The following SH3GL3 variants were observed in gnomAD, a reference collection of about 807,000 sequenced individuals.
The protein encoded by SH3GL3 is SH3 domain containing GRB2 like 3, endophilin A3, also known as endophilin-A3.
In SH3GL3, 33 loss-of-function variants were observed where a neutral mutation model predicts 47.7. That is an observed-to-expected ratio of 0.69 (90% CI 0.52 to 0.92). The LOEUF is 0.92. SH3GL3 is among the 40% of genes least tolerant of loss of function. The pLI is 0.00. For missense variants in SH3GL3, 363 were observed against 417.8 expected (o/e 0.87, Z 1.14); for synonymous variants, 155 against 148.8 (o/e 1.04, Z -0.30).
chr15:83,625,817 G>T, the SH3GL3 span, among the ~76,000 whole-genome samples: 18 of 151,548 alleles, frequency 1.2e-4, no homozygotes, highest in Admixed American at 5.9e-4. Context: ...ATTAATTTTT[G>T]TTGTTGTTGT....
chr15:83,510,732 C>G lies in SH3GL3; in HGVS notation c.46-48521C>G, dbSNP rs75236921. The stretch of plus-strand genomic sequence containing the variant: ...TGTGTCAATATACATGTAAAAGGGT[C>G]CATGAAGCAGCTATGTGGATCCTCA... On this transcript the variant is annotated intron_variant, in intron 1 of 8. Coordinates refer to ENST00000427482, the MANE Select transcript of SH3GL3 (RefSeq NM_003027.5). Among the ~76,000 whole-genome samples, 52 of 151,964 alleles carry G rather than the reference C, an allele frequency of 3.4e-4. No homozygotes were observed. The East Asian group carries it at 9.7e-3, about 28-fold the overall frequency.
intron 1 of SH3GL3, among the ~76,000 whole-genome samples, chr15:83,474,819 C>G (rs2041019413): frequency 6.6e-6 from 1 of 152,014 alleles, no homozygotes; most frequent in Non-Finnish European, 1.5e-5. Flanking sequence ...CTGGCATGAT[C>G]GGGGATAAGG....
At chr15:83,607,437 A>G (rs1442309123) in intron 8 of SH3GL3, among the ~76,000 whole-genome samples, 1 of 152,178 alleles carries the variant, frequency 6.6e-6, no homozygotes, top group Non-Finnish European at 1.5e-5. Flanking sequence ...TTTAGGAATG[A>G]GAGACATAGG....
chr15:83,600,598 T>C (rs556400821), intron 8 of SH3GL3, among the ~76,000 whole-genome samples: 53 of 152,348 alleles, frequency 3.5e-4, no homozygotes, highest in African/African-American at 1.3e-3. Flanking sequence ...TGTGGCCTTA[T>C]AGTATAGTTT....
At position 83,507,303 on chromosome 15, in the gene SH3GL3, C is replaced by T. The variant is rs113307517; in HGVS notation, c.46-51950C>T. ...GATTACAGGCGTGAGCCACCGTGCC[C>T]GGCCTGTGTACACTTCTTTTTAATG... On this transcript the variant is annotated intron_variant, in intron 1 of 8. Transcript: ENST00000427482. 7.5e-3 allele frequency among the ~76,000 whole-genome samples: 1,136 copies of T among 151,730 alleles called. 12 individuals carry two copies. The highest frequency in any genetic ancestry group is 0.023 in the African/African-American group (954 of 41,374).
intron 1 of SH3GL3, among the ~76,000 whole-genome samples, chr15:83,508,976 G>A (rs2042633254): frequency 6.6e-6 from 1 of 152,206 alleles, no homozygotes; most frequent in Non-Finnish European, 1.5e-5. Flanking sequence ...CTGATTAGAG[G>A]CGATTGTAAC....
intron 1 of SH3GL3, among the ~76,000 whole-genome samples, chr15:83,557,893 A>G (rs1429886998): frequency 6.6e-6 from 1 of 152,160 alleles, no homozygotes; most frequent in Non-Finnish European, 1.5e-5. Context: ...GAGGATGGAG[A>G]ACCCTGGCCA....
chr15:83,463,706 C>A (rs914682609), intron 1 of SH3GL3, among the ~76,000 whole-genome samples: 2 of 151,772 alleles, frequency 1.3e-5, no homozygotes, highest in Non-Finnish European at 2.9e-5. Flanking sequence ...CCCTCTTCAC[C>A]CCTGTCCTAT....
At chr15:83,475,690 A>C (rs2041064679) in intron 1 of SH3GL3, among the ~76,000 whole-genome samples, 1 of 152,112 alleles carries the variant, frequency 6.6e-6, no homozygotes, top group Admixed American at 6.5e-5. Context: ...CTGCTTATAC[A>C]AGTCTTGAGG....
At chr15:83,513,073 A>G (rs1438088761) in intron 1 of SH3GL3, among the ~76,000 whole-genome samples, 1 of 152,144 alleles carries the variant, frequency 6.6e-6, no homozygotes, top group Non-Finnish European at 1.5e-5. Flanking sequence ...CAAAAGTTGT[A>G]CTTTTCCTGC....
chr15:83,566,186 TAAGGAAGTGTTGGCC>T (rs1177125218), intron 3 of SH3GL3, among the ~76,000 whole-genome samples: 1 of 151,982 alleles, frequency 6.6e-6, no homozygotes, highest in Non-Finnish European at 1.5e-5. Context: ...TTGAATGGGA[TAAGGAAGTGTTGGCC>T]AACAATAAAA....
At chr15:83,612,147 T>C in intron 8 of SH3GL3, among the ~76,000 whole-genome samples, 1 of 152,224 alleles carries the variant, frequency 6.6e-6, no homozygotes, top group East Asian at 1.9e-4. Flanking sequence ...CTTAGGCGAT[T>C]CCAGATTTAA....
chr15:83,558,276 G>T (rs1261305241), intron 1 of SH3GL3, among the ~76,000 whole-genome samples: 1 of 152,138 alleles, frequency 6.6e-6, no homozygotes, highest in African/African-American at 2.4e-5. Context: ...AGACTCTTTA[G>T]GGATCTCTCA....
chr15:83,562,970 T>G (rs2045358042), intron 2 of SH3GL3, among the ~76,000 whole-genome samples: 1 of 152,326 alleles, frequency 6.6e-6, no homozygotes, highest in South Asian at 2.1e-4. Flanking sequence ...ATCAGTAATA[T>G]AGGTTTGACT....
At chr15:83,552,629 T>C (rs1014271747) in intron 1 of SH3GL3, among the ~76,000 whole-genome samples, 9 of 152,234 alleles carry the variant, frequency 5.9e-5, no homozygotes, top group African/African-American at 2.2e-4. Context: ...GTTTTTGTAA[T>C]GTTCTATCTG....
intron 1 of SH3GL3, among the ~76,000 whole-genome samples, chr15:83,478,452 C>A (rs2041196641): frequency 6.6e-6 from 1 of 152,160 alleles, no homozygotes; most frequent in Non-Finnish European, 1.5e-5. Context: ...TCCTTATCTG[C>A]AAATTGGAGT....
chr15:83,520,312 C>A (rs534388820), intron 1 of SH3GL3, among the ~76,000 whole-genome samples: 1 of 152,232 alleles, frequency 6.6e-6, no homozygotes, highest in African/African-American at 2.4e-5. Flanking sequence ...TACAAATATC[C>A]TTTGAAGAGA....
chr15:83,604,247 T>C (rs2060461257), intron 8 of SH3GL3, among the ~76,000 whole-genome samples: 1 of 152,156 alleles, frequency 6.6e-6, no homozygotes, highest in South Asian at 2.1e-4. Context: ...TATATTATAT[T>C]TGAGGAAATG....
chr15:83,614,447 T>G (rs537475460), intron 8 of SH3GL3, among the ~76,000 whole-genome samples: 88 of 152,304 alleles, frequency 5.8e-4, no homozygotes, highest in African/African-American at 2.1e-3. Context: ...GCTGCCTCCC[T>G]GAAGAGGAAG....
Sources: gnomAD v4.1 joint callset for allele counts (sites outside exome capture counted in the v4.1 genomes callset) on GRCh38, gnomAD v4.1.1 for gene constraint, MANE v1.5 for transcripts, NCBI Gene and HGNC (gene_info 2026-07-23, HGNC 2026-07-21) for gene names.